AP1S3: variants seen among roughly 807,000 people sequenced by gnomAD.
AP1S3 encodes AP-1 complex subunit sigma-3.
Under a neutral mutation model 20.9 loss-of-function variants are expected in AP1S3, and 10 were observed. The ratio of observed to expected loss-of-function variants is 0.48; its 90% CI spans 0.29 to 0.81. AP1S3 has a LOEUF of 0.81. Ranked by LOEUF, AP1S3 falls within the 30% of genes least tolerant of loss-of-function variation. AP1S3 has a pLI of 0.08. For synonymous variants in AP1S3, 41 were observed against 61.5 expected (o/e 0.67, Z 1.56); for missense variants, 154 against 183.8 (o/e 0.84, Z 0.94).
intron 3 of AP1S3, among the ~76,000 whole-genome samples, chr2:223,767,521 T>C (rs1170561231): frequency 1.3e-5 from 2 of 151,852 alleles, no homozygotes; most frequent in African/African-American, 2.4e-5. Flanking sequence ...TGAATATTCA[T>C]GTTCCTCAAG....
chr2:223,817,849 C>T (rs10178242), intron 1 of AP1S3, among the ~76,000 whole-genome samples: 75,012 of 151,504 alleles, frequency 0.5, 18,871 homozygotes, highest in Admixed American at 0.58. Flanking sequence ...CCCAGGAGAC[C>T]TTTTTCCAAA....
Position 223,757,065 on chromosome 2 carries a change from C to A in AP1S3, c.*1650G>T, listed in dbSNP as rs1690240236. The A allele has an allele frequency of 1.1e-6, 1 of 884,384 alleles. No homozygotes were observed. The highest frequency in any genetic ancestry group is 5.2e-5 in the South Asian group (1 of 19,218). 54.8% of individuals were successfully genotyped at this position (884,384 alleles called of 1,614,324 possible). A position where few individuals can be genotyped will look rare whatever the true frequency, so the allele number is the denominator to read the frequency against. ...AGTGCACTGGTATGACCTTGGCTCA[C>A]TGCAACCTCTGCCTCCTGGGTTCAA... is the stretch of plus-strand genomic sequence containing the variant. On this transcript the variant is annotated 3_prime_UTR_variant, in exon 5 of 5. Coordinates refer to ENST00000396654, the MANE Select transcript of AP1S3 (RefSeq NM_001039569.2).
At chr2:223,826,123 C>CAA (rs1171771327) in intron 1 of AP1S3, among the ~76,000 whole-genome samples, 1 of 152,170 alleles carries the variant, frequency 6.6e-6, no homozygotes, top group Non-Finnish European at 1.5e-5. Flanking sequence ...ATCCACAACA[C>CAA]CTGTCAGTTG....
chr2:223,805,177 G>A (rs1331422909), intron 1 of AP1S3, among the ~76,000 whole-genome samples: 1 of 152,200 alleles, frequency 6.6e-6, no homozygotes, highest in African/African-American at 2.4e-5. Flanking sequence ...CGAGGCTCAC[G>A]CCTCTAATCC....
chr2:223,770,726 CAT>C (rs1690604020), intron 3 of AP1S3, among the ~76,000 whole-genome samples: 1 of 76,630 alleles, frequency 1.3e-5, no homozygotes, highest in Admixed American at 1.4e-4. Context: ...TAGACCAGTT[CAT>C]TTTTTTTTTT....
chr2:223,833,578 C>T (rs1461701821), intron 1 of AP1S3, among the ~76,000 whole-genome samples: 1 of 152,164 alleles, frequency 6.6e-6, no homozygotes, highest in Non-Finnish European at 1.5e-5. Context: ...GTACTAGGTG[C>T]CTAGATCTGC....
rs988028834 is a variant in AP1S3 at position 223,804,453 on chromosome 2, C to A, written c.4-26584G>T. 2.0e-5 allele frequency among the ~76,000 whole-genome samples: 3 copies of A among 152,068 alleles called. No individual in the cohort carries two copies. In the East Asian group the frequency reaches 5.8e-4, roughly 29 times the overall value. On this transcript the variant is annotated intron_variant, in intron 1 of 4. Coordinates refer to ENST00000396654, the MANE Select transcript of AP1S3 (RefSeq NM_001039569.2). The stretch of plus-strand genomic sequence containing the variant: ...GTGGCTCATGCCTGTAATCCCAGCA[C>A]CTTGGGAGGCTGAGGTGGGAGGATC...
chr2:223,776,619 T>C (rs1340177261), intron 2 of AP1S3, among the ~76,000 whole-genome samples: 2 of 152,290 alleles, frequency 1.3e-5, no homozygotes, highest in Non-Finnish European at 1.5e-5. Context: ...CAGTAGGGTG[T>C]TGGATGCAGG....
chr2:223,821,893 G>T (rs548040614), intron 1 of AP1S3, among the ~76,000 whole-genome samples: 1 of 151,846 alleles, frequency 6.6e-6, no homozygotes, highest in Non-Finnish European at 1.5e-5. Context: ...GAGCCAGAAA[G>T]AGTTTTCAAG....
chr2:223,794,026 T>G (rs567521000), intron 1 of AP1S3, among the ~76,000 whole-genome samples: 1 of 152,212 alleles, frequency 6.6e-6, no homozygotes, highest in African/African-American at 2.4e-5. Flanking sequence ...CTACATATGC[T>G]CCTCAGCTAT....
chr2:223,789,866 T>C (rs1413573839), intron 1 of AP1S3, among the ~76,000 whole-genome samples: 1 of 143,888 alleles, frequency 6.9e-6, no homozygotes, highest in Non-Finnish European at 1.5e-5. Flanking sequence ...TCAAATGCAA[T>C]CAAACAAGAA....
At chr2:223,791,099 C>G (rs554872366) in intron 1 of AP1S3, among the ~76,000 whole-genome samples, 19 of 152,266 alleles carry the variant, frequency 1.2e-4, no homozygotes, top group African/African-American at 3.9e-4. Flanking sequence ...ACCAGAGGTA[C>G]AAAGAAGAGC....
At chr2:223,761,787 C>T (rs1690361202) in intron 4 of AP1S3, among the ~76,000 whole-genome samples, 1 of 152,044 alleles carries the variant, frequency 6.6e-6, no homozygotes, top group Non-Finnish European at 1.5e-5. Context: ...TGATCTCAAA[C>T]TCTTGACTTA....
At chr2:223,759,295 AAG>A (rs1186604803) in intron 4 of AP1S3, among the ~76,000 whole-genome samples, 55 of 150,220 alleles carry the variant, frequency 3.7e-4, no homozygotes, top group African/African-American at 6.8e-4. Context: ...AAAAAAAAAA[AAG>A]AGAGAGAGAG....
chr2:223,765,452 C>A, intron 3 of AP1S3, 102 bp from the exon 4 acceptor site: 18 of 1,233,386 alleles, frequency 1.5e-5, no homozygotes, highest in South Asian at 3.5e-5. Context: ...TGTGGCGTAC[C>A]AAAAATAAAA....
intron 3 of AP1S3, among the ~76,000 whole-genome samples, chr2:223,774,847 T>C (rs1365012525): frequency 6.6e-6 from 1 of 152,178 alleles, no homozygotes; most frequent in Admixed American, 6.5e-5. Flanking sequence ...AGTTTGGTTC[T>C]GGGCCATGAG....
chr2:223,804,722 A>G (rs987776275), intron 1 of AP1S3, among the ~76,000 whole-genome samples: 1 of 151,972 alleles, frequency 6.6e-6, no homozygotes, highest in South Asian at 2.1e-4. Context: ...TGTTTCAAAA[A>G]AAAAAAAAAG....
At chr2:223,816,324 C>A (rs1691842423) in intron 1 of AP1S3, among the ~76,000 whole-genome samples, 1 of 135,256 alleles carries the variant, frequency 7.4e-6, no homozygotes, top group African/African-American at 2.8e-5. Context: ...TTCCTTCCTT[C>A]CTCCCCCATG....
chr2:223,776,050 T>G, intron 2 of AP1S3, 41 bp from the exon 3 acceptor site: 1 of 1,498,218 alleles, frequency 6.7e-7, no homozygotes, highest in Non-Finnish European at 9.2e-7. Context: ...TGACAATACA[T>G]TAAGCAACCT....
Sources: allele counts gnomAD v4.1 joint callset (sites outside exome capture counted in the v4.1 genomes callset), GRCh38; gene constraint gnomAD v4.1.1; transcripts MANE v1.5; gene names NCBI Gene and HGNC (gene_info 2026-07-23, HGNC 2026-07-21).